The following TTC7A variants were observed in gnomAD, a reference collection of about 807,000 sequenced individuals.
TTC7A encodes the protein tetratricopeptide repeat domain 7A, also known as tetratricopeptide repeat protein 7A.
Under a neutral mutation model 103.7 loss-of-function variants are expected in TTC7A, and 110 were observed. The ratio of observed to expected loss-of-function variants is 1.06; its 90% CI spans 0.91 to 1.24. TTC7A has a LOEUF of 1.24. TTC7A is among the 50% of genes most tolerant of loss of function. TTC7A has a pLI of 0.00. For synonymous variants in TTC7A, 521 were observed against 467.9 expected, an observed-to-expected ratio of 1.11 and a Z score of -1.47; for missense variants, 1,340 against 1,116.3, an observed-to-expected ratio of 1.20 and a Z score of -2.86.
chr2:47,012,727 C>T (rs960020334), intron 11 of TTC7A, among the ~76,000 whole-genome samples: 7 of 152,186 alleles, frequency 4.6e-5, no homozygotes, highest in African/African-American at 1.4e-4. Context: ...GCCTCATCAT[C>T]GCAGCAGGGC....
intron 11 of TTC7A, among the ~76,000 whole-genome samples, chr2:47,014,205 T>G (rs921430023): frequency 1.3e-5 from 2 of 152,154 alleles, no homozygotes; most frequent in East Asian, 1.9e-4. Flanking sequence ...TCACTTGCCA[T>G]GTCTTGCACT....
intron 19 of TTC7A, among the ~76,000 whole-genome samples, chr2:47,062,637 A>G (rs1250892565): frequency 1.3e-5 from 2 of 152,280 alleles, no homozygotes; most frequent in Admixed American, 1.3e-4. Context: ...GTTCACGGAT[A>G]TAAGCCTGCA....
At chr2:46,929,135 C>T (rs539422912) in intron 2 of TTC7A, among the ~76,000 whole-genome samples, 13 of 152,246 alleles carry the variant, frequency 8.5e-5, no homozygotes, top group African/African-American at 3.1e-4. Flanking sequence ...TGCACCCCAG[C>T]CTGGGGCAAT....
intron 5 of TTC7A, 81 bp downstream of exon 5, chr2:46,978,988 C>G (rs1376982444): frequency 2.1e-6 from 2 of 950,782 alleles, no homozygotes; most frequent in African/African-American, 1.6e-5. Flanking sequence ...GCTGCTCTCC[C>G]TCTTCTCTGG....
At position 47,006,693 on chromosome 2, in the gene TTC7A, A is replaced by G; in HGVS notation, c.1256A>G (p.Gln419Arg). ...FAFGEFHLWYQVALSMVACGK... is the reference protein window; with the variant it reads ...FAFGEFHLWYRVALSMVACGK... ...TTTGGAGAATTTCACCTTTGGTACC[A>G]GGTGGCCCTCTCCATGGTGGCTTGT... The change falls in exon 10 of 20, where the codon CAG becomes CGG. Residue 419 changes from glutamine to arginine, a missense_variant. By Grantham distance (43) the Gln-to-Arg change is conservative (BLOSUM62 1). Transcript: ENST00000319190. 6.2e-7 allele frequency: 1 copy of G among 1,614,180 alleles called. No homozygotes were observed. Among genetic ancestry groups the G allele is most frequent in the Non-Finnish European group, 8.5e-7 (1 of 1,180,008 alleles).
At chr2:46,932,134 A>G (rs1326915387) in intron 2 of TTC7A, among the ~76,000 whole-genome samples, 3 of 151,988 alleles carry the variant, frequency 2.0e-5, no homozygotes, top group Non-Finnish European at 2.9e-5. Context: ...TCAGAAAGCA[A>G]TGTAGGGCTT....
chr2:46,966,342 G>A (rs781283604), intron 3 of TTC7A, among the ~76,000 whole-genome samples: 32 of 152,128 alleles, frequency 2.1e-4, no homozygotes, highest in Non-Finnish European at 4.4e-4. Context: ...TTTTGTATTT[G>A]CGGAAACAGA....
intron 8 of TTC7A, among the ~76,000 whole-genome samples, chr2:47,002,877 C>A (rs1183551931): frequency 6.6e-6 from 1 of 152,148 alleles, no homozygotes; most frequent in African/African-American, 2.4e-5. Context: ...TGGGGAATCA[C>A]AGCCCTCTCT....
intron 2 of TTC7A, 34 bp downstream of exon 2, chr2:46,950,560 C>A (rs775728005): frequency 3.1e-6 from 5 of 1,609,574 alleles, no homozygotes; most frequent in Admixed American, 1.7e-5. Flanking sequence ...GAGACCTCCT[C>A]TCCTCGTCTG....
chr2:47,052,761 G>A (rs1682968974), intron 18 of TTC7A, among the ~76,000 whole-genome samples: 2 of 152,128 alleles, frequency 1.3e-5, no homozygotes, highest in African/African-American at 4.8e-5. Flanking sequence ...AAGTACCCCA[G>A]GCCAACACAA....
intron 14 of TTC7A, 66 bp from the exon 15 acceptor site, chr2:47,029,158 C>G (rs2304289): frequency 1.3e-6 from 2 of 1,579,658 alleles, no homozygotes; most frequent in East Asian, 4.5e-5. Flanking sequence ...TTGACTGGCA[C>G]GTGGCTCCTG....
intron 14 of TTC7A, 137 bp from the exon 15 acceptor site, chr2:47,029,087 C>T (rs1258699315): frequency 2.1e-5 from 21 of 982,918 alleles, no homozygotes; most frequent in Non-Finnish European, 3.0e-5. Flanking sequence ...GGTGTTTTCT[C>T]ACAGCAGCCT....
chr2:46,988,433 C>T (rs989841800), intron 5 of TTC7A, among the ~76,000 whole-genome samples: 1 of 152,242 alleles, frequency 6.6e-6, no homozygotes, highest in African/African-American at 2.4e-5. Context: ...TAGCTATGCT[C>T]TTCTGGGTCT....
chr2:47,050,117 C>T (rs985844712), intron 17 of TTC7A, 71 bp downstream of exon 17: 2 of 1,320,454 alleles, frequency 1.5e-6, no homozygotes, highest in Non-Finnish European at 2.2e-6. Flanking sequence ...AGAGCACCAA[C>T]ACAGAGAGGG....
At chr2:47,042,346 A>T (rs990685379) in intron 15 of TTC7A, among the ~76,000 whole-genome samples, 3 of 150,550 alleles carry the variant, frequency 2.0e-5, no homozygotes, top group Admixed American at 6.6e-5. Flanking sequence ...ACAAAAAATT[A>T]AAAAACTAGC....
intron 3 of TTC7A, among the ~76,000 whole-genome samples, chr2:46,969,135 T>A (rs977211874): frequency 4.6e-5 from 7 of 151,998 alleles, no homozygotes; most frequent in African/African-American, 7.2e-5. Context: ...GCATTTTTTT[T>A]ATGTCTGGTT....
chr2:47,029,089 C>G (rs1037490614), intron 14 of TTC7A, 135 bp from the exon 15 acceptor site: 1 of 1,003,722 alleles, frequency 1.0e-6, no homozygotes, highest in South Asian at 1.6e-5. Context: ...TGTTTTCTCA[C>G]AGCAGCCTCC....
intron 11 of TTC7A, among the ~76,000 whole-genome samples, chr2:47,013,939 G>A (rs1009214767): frequency 6.6e-6 from 1 of 152,154 alleles, no homozygotes; most frequent in Non-Finnish European, 1.5e-5. Context: ...GCCCGAGAGT[G>A]GGCTCCTGGC....
At chr2:47,023,215 A>G (rs1217261775) in intron 12 of TTC7A, among the ~76,000 whole-genome samples, 193 bp from the exon 13 acceptor site, 1 of 152,238 alleles carries the variant, frequency 6.6e-6, no homozygotes, top group East Asian at 1.9e-4. Flanking sequence ...GCAATGCAGT[A>G]GAAGCAACTG....
Sources: allele counts gnomAD v4.1 joint callset (sites outside exome capture counted in the v4.1 genomes callset), GRCh38; gene constraint gnomAD v4.1.1; transcripts MANE v1.5; gene names NCBI Gene and HGNC (gene_info 2026-07-23, HGNC 2026-07-21).